The following FER variants were observed in gnomAD, a reference collection of about 807,000 sequenced individuals.
FER encodes the protein FER tyrosine kinase.
Under a neutral mutation model 111.0 loss-of-function variants are expected in FER, and 63 were observed. The observed-to-expected ratio is 0.57, with a 90% CI of 0.46 to 0.70. The LOEUF (loss-of-function observed/expected upper bound fraction) is 0.70. Ranked by LOEUF, FER falls within the 30% of genes least tolerant of loss-of-function variation. FER has a pLI of 0.00. For missense variants in FER, 914 were observed against 954.0 expected (o/e 0.96, Z 0.55); for synonymous variants, 327 against 313.9 (o/e 1.04, Z -0.44).
At chr5:109,019,527 C>T (rs910306473) in intron 13 of FER, among the ~76,000 whole-genome samples, 2 of 151,668 alleles carry the variant, frequency 1.3e-5, no homozygotes, top group African/African-American at 4.8e-5. Context: ...GTGTGATCGC[C>T]AGACCAGTAG....
chr5:108,892,495 C>T, intron 9 of FER, among the ~76,000 whole-genome samples: 1 of 152,132 alleles, frequency 6.6e-6, no homozygotes, highest in Non-Finnish European at 1.5e-5. Context: ...ATATCCTTCA[C>T]CCCCTTTTTG....
At chr5:108,837,507 AAATTAC>A (rs1421782668) in intron 5 of FER, among the ~76,000 whole-genome samples, 1 of 152,196 alleles carries the variant, frequency 6.6e-6, no homozygotes, top group African/African-American at 2.4e-5. Flanking sequence ...CAAGTTAATT[AAATTAC>A]ATTGCAAATA....
At chr5:108,846,449 C>G (rs1229391102) in intron 5 of FER, among the ~76,000 whole-genome samples, 1 of 151,838 alleles carries the variant, frequency 6.6e-6, no homozygotes, top group Admixed American at 6.6e-5. Context: ...AAAAATGAGG[C>G]TACTTAGTTT....
At chr5:108,920,141 A>G (rs1218235024) in intron 10 of FER, among the ~76,000 whole-genome samples, 3 of 152,100 alleles carry the variant, frequency 2.0e-5, no homozygotes, top group African/African-American at 7.2e-5. Flanking sequence ...GGAGCTCAGT[A>G]TCAGAAAAAA....
At chr5:109,076,163 T>C (rs191141502) in intron 16 of FER, among the ~76,000 whole-genome samples, 1 of 152,194 alleles carries the variant, frequency 6.6e-6, no homozygotes, top group Admixed American at 6.5e-5. Context: ...AAAAAAATTA[T>C]ATATAAGGAG....
rs779385052 is a variant in FER at position 108,835,788 on chromosome 5, T to C, written c.462T>C (p.Tyr154=). 3 of 1,551,722 alleles carry C rather than the reference T, an allele frequency of 1.9e-6. No homozygotes were observed. Among genetic ancestry groups the C allele is most frequent in the South Asian group, 2.5e-5 (2 of 81,424 alleles). The change falls in exon 5 of 20, where the codon TAT becomes TAC. Residue 154 remains tyrosine, a synonymous_variant. Coordinates refer to ENST00000281092, the MANE Select transcript of FER (RefSeq NM_005246.4). ...AAATGAATTCTGCCAAAGAGAAATA[T>C]AAAGAAGCTTTAGCTAAAGGTAAGG... is the stretch of plus-strand genomic sequence containing the variant. The part of the protein sequence containing the change: ...IKEMNSAKEK[Y]KEALAKGKET...
At chr5:109,161,466 A>G (rs1010364214) in intron 17 of FER, among the ~76,000 whole-genome samples, 3 of 151,970 alleles carry the variant, frequency 2.0e-5, no homozygotes, top group African/African-American at 4.8e-5. Context: ...CTATGTATCC[A>G]TGTGTTCTCA....
chr5:108,904,368 T>C (rs140463518), intron 10 of FER, among the ~76,000 whole-genome samples: 2 of 152,322 alleles, frequency 1.3e-5, no homozygotes, highest in Non-Finnish European at 2.9e-5. Context: ...GTGCCATTTG[T>C]GCAGATATCT....
intron 13 of FER, among the ~76,000 whole-genome samples, chr5:109,000,506 G>T (rs1764614464): frequency 6.6e-6 from 1 of 151,970 alleles, no homozygotes; most frequent in Admixed American, 6.6e-5. Context: ...TCAAAGCAGG[G>T]TGTAGAGGGA....
At chr5:108,768,432 G>C (rs1005493175) in intron 2 of FER, among the ~76,000 whole-genome samples, 194 bp downstream of exon 2, 1 of 152,142 alleles carries the variant, frequency 6.6e-6, no homozygotes. Flanking sequence ...TACCTCATTT[G>C]TGACATAATT....
At chr5:108,931,795 A>C (rs1246174522) in intron 10 of FER, among the ~76,000 whole-genome samples, 1 of 151,910 alleles carries the variant, frequency 6.6e-6, no homozygotes, top group Non-Finnish European at 1.5e-5. Flanking sequence ...GCACCATTGC[A>C]CTCCACCCTA....
rs190297112 is a variant in FER, at chr5:109,038,860, A to C, written c.1713+1382A>C. On this transcript the variant is annotated intron_variant, in intron 14 of 19. Transcript: ENST00000281092. ...ACGAAAAAAATATTTTTAGTTAAAGAGAAATATTTCTATTTTTGTGTTTAG... is the reference window on the plus strand; with the variant it reads ...ACGAAAAAAATATTTTTAGTTAAAGCGAAATATTTCTATTTTTGTGTTTAG... Among the ~76,000 whole-genome samples, 10 of 152,208 alleles carry C rather than the reference A, an allele frequency of 6.6e-5. No individual in the cohort carries two copies. In the East Asian group the frequency reaches 1.9e-3, roughly 29 times the overall value.
At chr5:109,044,575 G>T in intron 14 of FER, 105 bp from the exon 15 acceptor site, 1 of 579,212 alleles carries the variant, frequency 1.7e-6, no homozygotes, top group South Asian at 2.9e-5. Flanking sequence ...TGGTGATATT[G>T]ACATGTAGGT....
intron 16 of FER, among the ~76,000 whole-genome samples, chr5:109,067,728 G>T (rs1184615491): frequency 2.0e-5 from 3 of 151,562 alleles, no homozygotes; most frequent in Non-Finnish European, 4.4e-5. Flanking sequence ...ATATATTTTG[G>T]GTTAAATTCT....
At chr5:108,920,841 C>A (rs1278448457) in intron 10 of FER, among the ~76,000 whole-genome samples, 2 of 152,076 alleles carry the variant, frequency 1.3e-5, no homozygotes, top group African/African-American at 4.8e-5. Flanking sequence ...TCCTATATAA[C>A]CAGAATGAAA....
chr5:109,186,888 A>G (rs1157390425), intron 19 of FER, among the ~76,000 whole-genome samples: 1 of 152,230 alleles, frequency 6.6e-6, no homozygotes, highest in Non-Finnish European at 1.5e-5. Flanking sequence ...TGGTTGTAGA[A>G]GTGGATGAAG....
chr5:108,894,780 G>A (rs970393959), intron 9 of FER, among the ~76,000 whole-genome samples: 6 of 152,104 alleles, frequency 3.9e-5, no homozygotes, highest in African/African-American at 1.4e-4. Context: ...CAGCAGGCAA[G>A]AGAGAGAGCA....
At chr5:108,854,117 A>G (rs1390355719) in intron 5 of FER, among the ~76,000 whole-genome samples, 1 of 152,204 alleles carries the variant, frequency 6.6e-6, no homozygotes, top group Admixed American at 6.5e-5. Context: ...CACCTAGGGG[A>G]CATAAAGGTT....
chr5:109,047,488 G>T (rs1250538266), intron 16 of FER, among the ~76,000 whole-genome samples: 1 of 152,126 alleles, frequency 6.6e-6, no homozygotes, highest in East Asian at 1.9e-4. Context: ...TTTAGAAAAA[G>T]GCAGTGTACT....
Sources: allele counts gnomAD v4.1 joint callset (sites outside exome capture counted in the v4.1 genomes callset), GRCh38; gene constraint gnomAD v4.1.1; transcripts MANE v1.5; gene names NCBI Gene and HGNC (gene_info 2026-07-23, HGNC 2026-07-21).